The following RPL38 variants were observed in gnomAD, a reference collection of about 807,000 sequenced individuals.
RPL38 encodes the protein ribosomal protein L38, also known as large ribosomal subunit protein eL38.
Under a neutral mutation model 12.8 loss-of-function variants are expected in RPL38, and 2 were observed. The observed-to-expected ratio is 0.16, with a 90% CI of 0.06 to 0.49. The LOEUF (loss-of-function observed/expected upper bound fraction) is 0.49, where lower values mean the gene tolerates loss of function less well. RPL38 is among the 20% of genes least tolerant of loss of function. The pLI is 0.96. For missense variants in RPL38, 52 were observed against 79.8 expected, an observed-to-expected ratio of 0.65 and a Z score of 1.33; for synonymous variants, 42 against 30.1, an observed-to-expected ratio of 1.39 and a Z score of -1.29.
intron 3 of RPL38, among the ~76,000 whole-genome samples, chr17:74,208,927 T>A (rs2050140048): frequency 6.6e-6 from 1 of 152,182 alleles, no homozygotes; most frequent in Non-Finnish European, 1.5e-5. Flanking sequence ...AGACCGAGAC[T>A]CTGTCTCAAA....
In RPL38 at chr17:74,209,927, A is replaced by G; in HGVS notation, c.*98A>G. The G allele has an allele frequency of 1.2e-6, 1 of 860,962 alleles. No individual in the cohort carries two copies. The highest frequency in any genetic ancestry group is 1.9e-6 in the Non-Finnish European group (1 of 526,928). The allele number at this position is 860,962 out of a possible 1,614,324, so 53.3% of individuals were successfully genotyped here. A position where few individuals can be genotyped will look rare whatever the true frequency, so the allele number is the denominator to read the frequency against. On this transcript the variant is annotated 3_prime_UTR_variant, in exon 5 of 5. Coordinates refer to ENST00000311111, the MANE Select transcript of RPL38 (RefSeq NM_000999.4). ...GGGAAAGGGAAAAATGCTACCTCGT[A>G]GTGGCTTCTGATGGGAACAGGACGC...
intron 3 of RPL38, among the ~76,000 whole-genome samples, chr17:74,208,584 C>G (rs2050136238): frequency 6.6e-6 from 1 of 152,142 alleles, no homozygotes; most frequent in Non-Finnish European, 1.5e-5. Context: ...TGCTGAAAAG[C>G]GCTCAGTCCC....
chr17:74,204,075 T>C, intron 2 of RPL38, 55 bp from the exon 3 acceptor site: 2 of 1,611,572 alleles, frequency 1.2e-6, no homozygotes, highest in Non-Finnish European at 1.7e-6. Context: ...GACTGGGCCA[T>C]CGCCGGGAGA....
intron 3 of RPL38, among the ~76,000 whole-genome samples, chr17:74,207,625 C>T (rs2050127295): frequency 6.6e-6 from 1 of 151,930 alleles, no homozygotes; most frequent in South Asian, 2.1e-4. Flanking sequence ...CTCCCATGTT[C>T]TCCTGCCTCA....
Position 74,203,912 on chromosome 17 carries a change from C to T in RPL38, c.-38-6C>T, listed in dbSNP as rs762556515. ...CCGTGTTAACGCCGAGGACTGTTTC[C>T]CGCAGGTCCTGGTCCGCGCCAGAGC... On this transcript the variant is annotated splice_region_variant and splice_polypyrimidine_tract_variant and intron_variant, in intron 1 of 4. Transcript: ENST00000311111. The T allele has an allele frequency of 5.7e-6, 9 of 1,586,764 alleles. No individual in the cohort carries two copies. In the African/African-American group the frequency reaches 1.1e-4, roughly 19 times the overall value.
chr17:74,210,064 T>G lies in RPL38; in HGVS notation c.*235T>G. ...GCACAGTGGTGCGATATCAGCTCAC[T>G]ACCACCTCCGCCTCCTGGGTTCAAG... On this transcript the variant is annotated 3_prime_UTR_variant, in exon 5 of 5. Coordinates refer to ENST00000311111, the MANE Select transcript of RPL38 (RefSeq NM_000999.4). The G allele has an allele frequency of 4.6e-6, 2 of 431,008 alleles. No individual in the cohort carries two copies. The highest frequency in any genetic ancestry group is 6.5e-5 in the South Asian group (2 of 30,902). The allele number at this position is 431,008 out of a possible 1,614,324, so 26.7% of individuals were successfully genotyped here.
intron 3 of RPL38, 86 bp from the exon 4 acceptor site, chr17:74,209,101 C>T (rs1159792653): frequency 6.9e-7 from 1 of 1,442,974 alleles, no homozygotes. Context: ...CTGCATGCTG[C>T]TTACTGCTTG....
At chr17:74,208,663 C>T (rs867418757) in intron 3 of RPL38, among the ~76,000 whole-genome samples, 3 of 152,158 alleles carry the variant, frequency 2.0e-5, no homozygotes, top group Non-Finnish European at 2.9e-5. Context: ...AGGCCAGGTG[C>T]GGTGGCTCAT....
rs147131226 is a variant in RPL38, at chr17:74,209,023, G to A, written c.65-164G>A. 4.2e-3 allele frequency among the ~76,000 whole-genome samples: 634 copies of A among 152,284 alleles called. 2 individuals are homozygous for A. Among genetic ancestry groups the A allele is most frequent in the Non-Finnish European group, 6.6e-3 (450 of 68,034 alleles). ...TCAGTGTACCCAATAAAAGTCCCAA[G>A]TTGGAGGAACGGGTAATAGTGTTTT... On this transcript the variant is annotated intron_variant, in intron 3 of 4. Transcript: ENST00000311111.
chr17:74,208,340 G>A (rs926334445), intron 3 of RPL38, among the ~76,000 whole-genome samples: 1 of 152,192 alleles, frequency 6.6e-6, no homozygotes, highest in Non-Finnish European at 1.5e-5. Flanking sequence ...AGTGGTGCAC[G>A]ATTCAAACCC....
intron 3 of RPL38, chr17:74,205,447 T>C: frequency 6.6e-6 from 1 of 152,358 alleles, no homozygotes; most frequent in Non-Finnish European, 1.5e-5. Context: ...AGGGAGAGTC[T>C]TTCAATGAGT....
In RPL38 at chr17:74,204,111, C is replaced by G. The variant is rs200460243; in HGVS notation, c.4-19C>G. Reference sequence around the variant, plus strand: ...CGTGTCTCTTTCCTCTCTGTTCACCCGCTTCCTTTGTGTTGCAGCCTCGGA... The same window carrying G: ...CGTGTCTCTTTCCTCTCTGTTCACCGGCTTCCTTTGTGTTGCAGCCTCGGA... On this transcript the variant is annotated intron_variant, in intron 2 of 4. Transcript: ENST00000311111. 3.1e-6 allele frequency: 5 copies of G among 1,614,074 alleles called. No individual in the cohort carries two copies. Among genetic ancestry groups the G allele is most frequent in the Non-Finnish European group, 4.2e-6 (5 of 1,179,944 alleles).
At chr17:74,204,311 C>A in intron 3 of RPL38, 121 bp downstream of exon 3, 1 of 817,356 alleles carries the variant, frequency 1.2e-6, no homozygotes. Context: ...GCCTGGCCCT[C>A]TGGGAGCAGT....
chr17:74,204,269 A>G, intron 3 of RPL38, 79 bp downstream of exon 3: 1 of 1,353,152 alleles, frequency 7.4e-7, no homozygotes, highest in Non-Finnish European at 1.1e-6. Context: ...CCGGAATGTC[A>G]GGCAGGAGAC....
At chr17:74,207,689 A>T (rs561873743) in intron 3 of RPL38, among the ~76,000 whole-genome samples, 1 of 151,860 alleles carries the variant, frequency 6.6e-6, no homozygotes, top group Non-Finnish European at 1.5e-5. Flanking sequence ...TATTTTTAGG[A>T]GAGACGGGGT....
intron 3 of RPL38, among the ~76,000 whole-genome samples, chr17:74,208,573 G>T (rs1441800355): frequency 6.6e-6 from 1 of 152,198 alleles, no homozygotes; most frequent in African/African-American, 2.4e-5. Context: ...CGGGAGTGGA[G>T]TGCTGAAAAG....
rs982867473 is a variant in RPL38, at chr17:74,209,820, A to G, written c.204A>G (p.Glu68=). Residue 68 remains glutamate (E), a synonymous_variant, in exon 5 of 5, where the codon GAA becomes GAG. Coordinates refer to ENST00000311111, the MANE Select transcript of RPL38 (RefSeq NM_000999.4). ...QSLPPGLAVK[E]LK ...TCCCTCTAGGTTTGGCAGTGAAGGA[A>G]CTGAAATGAACCAGACACACTGATT... The G allele has an allele frequency of 6.2e-7, 1 of 1,612,204 alleles. No individual in the cohort carries two copies. The highest frequency in any genetic ancestry group is 8.5e-7 in the Non-Finnish European group (1 of 1,178,210).
chr17:74,209,840 C>G lies in RPL38; in HGVS notation c.*11C>G. ...AAGGAACTGAAATGAACCAGACACA[C>G]TGATTGGAACTGTATTATATTAAAA... On this transcript the variant is annotated 3_prime_UTR_variant, in exon 5 of 5. Transcript: ENST00000311111. 6.2e-7 allele frequency: 1 copy of G among 1,602,392 alleles called. No homozygotes were observed. Among genetic ancestry groups the G allele is most frequent in the South Asian group, 1.1e-5 (1 of 90,790 alleles).
At chr17:74,207,352 G>A (rs1404264108) in intron 3 of RPL38, among the ~76,000 whole-genome samples, 2 of 152,062 alleles carry the variant, frequency 1.3e-5, no homozygotes, top group Admixed American at 6.5e-5. Flanking sequence ...GGTAGGCCAC[G>A]GTTTGTTTAT....
Sources: gnomAD v4.1 joint callset for allele counts (sites outside exome capture counted in the v4.1 genomes callset) on GRCh38, gnomAD v4.1.1 for gene constraint, MANE v1.5 for transcripts, NCBI Gene and HGNC (gene_info 2026-07-23, HGNC 2026-07-21) for gene names.